The following YES1 variants were observed in gnomAD, a reference collection of about 807,000 sequenced individuals.
The protein encoded by YES1 is tyrosine-protein kinase Yes.
YES1 carries 39 observed loss-of-function variants against 70.4 expected under a neutral mutation model. The ratio of observed to expected loss-of-function variants is 0.55; its 90% CI spans 0.43 to 0.72. The LOEUF (loss-of-function observed/expected upper bound fraction) is 0.72, where lower values mean the gene tolerates loss of function less well. Ranked by LOEUF, YES1 falls within the 30% of genes least tolerant of loss-of-function variation. The pLI, the probability that YES1 is intolerant of heterozygous loss-of-function variation, is 0.00. For missense variants in YES1, 495 were observed against 644.8 expected (o/e 0.77, Z 2.52); for synonymous variants, 198 against 218.6 (o/e 0.91, Z 0.83).
intron 1 of YES1, among the ~76,000 whole-genome samples, chr18:785,346 G>GA (rs1330603645): frequency 1.3e-5 from 2 of 152,112 alleles, no homozygotes; most frequent in Admixed American, 1.3e-4. Flanking sequence ...GTCTTAAAAG[G>GA]AAACAAGTCA....
At chr18:737,936 G>T (rs115237586) in intron 9 of YES1, 1 of 152,036 alleles carries the variant, frequency 6.6e-6, no homozygotes, top group East Asian at 1.9e-4. Flanking sequence ...CCCAGGCCCC[G>T]CAAAGCGAGA....
chr18:799,077 C>A (rs565843582), intron 1 of YES1, among the ~76,000 whole-genome samples: 1 of 152,200 alleles, frequency 6.6e-6, no homozygotes, highest in East Asian at 1.9e-4. Flanking sequence ...GTTGGACTAA[C>A]CAGTTTGCTT....
chr18:735,219 A>G (rs558833379), intron 10 of YES1, among the ~76,000 whole-genome samples: 3 of 152,070 alleles, frequency 2.0e-5, no homozygotes, highest in African/African-American at 7.2e-5. Flanking sequence ...ATAGCAGCAC[A>G]ATTCGCAATT....
chr18:804,219 C>T (rs1328867835), intron 1 of YES1, among the ~76,000 whole-genome samples: 2 of 152,136 alleles, frequency 1.3e-5, no homozygotes, highest in African/African-American at 2.4e-5. Flanking sequence ...TATAATGTTG[C>T]AAAGTTTTTA....
At chr18:799,278 T>C (rs994038360) in intron 1 of YES1, among the ~76,000 whole-genome samples, 1 of 152,238 alleles carries the variant, frequency 6.6e-6, no homozygotes, top group Non-Finnish European at 1.5e-5. Flanking sequence ...CCTTCTATGG[T>C]ATGCAGCCCT....
rs1474319900 is a variant in YES1 at position 729,378 on chromosome 18, G to A, written c.1423+3456C>T. ...TGCAGTGAACCAAGATCGTGCCACT[G>A]TACTCCAGCCTGGGAGACAGAGCGA... is the stretch of plus-strand genomic sequence containing the variant. On this transcript the variant is annotated intron_variant, in intron 11 of 11. Coordinates refer to ENST00000314574, the MANE Select transcript of YES1 (RefSeq NM_005433.4). 2.6e-5 allele frequency among the ~76,000 whole-genome samples: 4 copies of A among 151,772 alleles called. No homozygotes were observed. The East Asian group carries it at 5.8e-4, about 22-fold the overall frequency.
chr18:782,783 C>G (rs534203675), intron 1 of YES1, among the ~76,000 whole-genome samples: 1 of 152,314 alleles, frequency 6.6e-6, no homozygotes, highest in African/African-American at 2.4e-5. Flanking sequence ...CAACCTCCAC[C>G]TCCTGGGTTC....
intron 1 of YES1, among the ~76,000 whole-genome samples, chr18:803,411 T>TA (rs767829767): frequency 6.6e-6 from 1 of 152,040 alleles, no homozygotes; most frequent in Admixed American, 6.5e-5. Flanking sequence ...GGGTGGGAAA[T>TA]AAAAAAAGCA....
At chr18:803,824 C>T (rs1308223732) in intron 1 of YES1, among the ~76,000 whole-genome samples, 3 of 152,114 alleles carry the variant, frequency 2.0e-5, no homozygotes, top group Admixed American at 6.6e-5. Flanking sequence ...TAACAAAAAC[C>T]AGGCAAAAAC....
At chr18:768,298 G>C (rs1404922442) in intron 1 of YES1, among the ~76,000 whole-genome samples, 1 of 152,062 alleles carries the variant, frequency 6.6e-6, no homozygotes, top group Non-Finnish European at 1.5e-5. Flanking sequence ...ACAAATTTTA[G>C]AATCTCCACA....
chr18:756,810 AC>A lies in YES1; in HGVS notation c.17del (p.Ser6IlefsTer24). On this transcript the variant is annotated frameshift_variant, in exon 2 of 12. Transcript: ENST00000314574. LOFTEE classifies it high-confidence loss of function. The stretch of plus-strand genomic sequence containing the variant: ...TAATGGCTGGACTTTTGTTTTCTTT[AC>A]TTTTAATGCAGCCCATTATCAAATC... MGCIK[S>X]KENKSPAIKY... 1 of 1,613,816 alleles carries A rather than the reference AC, an allele frequency of 6.2e-7. No individual in the cohort carries two copies. Among genetic ancestry groups the A allele is most frequent in the Non-Finnish European group, 8.5e-7 (1 of 1,179,930 alleles).
chr18:729,458 CTTT>C (rs148415047), intron 11 of YES1, among the ~76,000 whole-genome samples: 1 of 146,942 alleles, frequency 6.8e-6, no homozygotes, highest in Non-Finnish European at 1.5e-5. Context: ...CCATTTGATT[CTTT>C]TTTTTTTAAT....
At chr18:764,647 T>TTAA (rs1288338051) in intron 1 of YES1, among the ~76,000 whole-genome samples, 1 of 152,152 alleles carries the variant, frequency 6.6e-6, no homozygotes, top group Non-Finnish European at 1.5e-5. Flanking sequence ...TGGTGGGGGA[T>TTAA]TAATAATATG....
At chr18:759,470 A>C (rs1702268132) in intron 1 of YES1, among the ~76,000 whole-genome samples, 1 of 152,230 alleles carries the variant, frequency 6.6e-6, no homozygotes, top group African/African-American at 2.4e-5. Flanking sequence ...TCCGTCTCAA[A>C]AAACAAACAA....
At chr18:747,861 T>C in intron 4 of YES1, 59 bp downstream of exon 4, 5 of 1,496,274 alleles carry the variant, frequency 3.3e-6, no homozygotes, top group Non-Finnish European at 4.6e-6. Context: ...CTAAGTAGAA[T>C]GTGCATTAAA....
At chr18:766,642 T>C (rs1019537594) in intron 1 of YES1, among the ~76,000 whole-genome samples, 1 of 152,106 alleles carries the variant, frequency 6.6e-6, no homozygotes, top group South Asian at 2.1e-4. Context: ...TATCCCTTTG[T>C]GGTTTTTACA....
chr18:806,458 G>C (rs1907102121), intron 1 of YES1, among the ~76,000 whole-genome samples: 1 of 152,164 alleles, frequency 6.6e-6, no homozygotes, highest in Non-Finnish European at 1.5e-5. Context: ...TATTAAGCTA[G>C]TTTTATAACA....
intron 10 of YES1, among the ~76,000 whole-genome samples, chr18:734,004 C>T (rs2080122286): frequency 6.6e-6 from 1 of 152,180 alleles, no homozygotes; most frequent in South Asian, 2.1e-4. Context: ...GGTGGTTGGG[C>T]ACAGTGGCTC....
In YES1 at chr18:756,653, TGG is replaced by T. The variant is rs1433548757; in HGVS notation, c.173_174del (p.Ser58TyrfsTer43). 1 of 1,614,180 alleles carries T rather than the reference TGG, an allele frequency of 6.2e-7. No homozygotes were observed. Among genetic ancestry groups the T allele is most frequent in the East Asian group, 2.2e-5 (1 of 44,876 alleles). On this transcript the variant is annotated frameshift_variant, in exon 2 of 12. Transcript: ENST00000314574. LOFTEE classifies it high-confidence loss of function. ...KGTAVNFSSL[S>X]MTPFGGSSGV... ...CCTGAGGATCCTCCAAATGGTGTCA[TGG>T]AAAGACTGCTGAAATTAACTGCTGT...
Sources: allele counts gnomAD v4.1 joint callset (sites outside exome capture counted in the v4.1 genomes callset), GRCh38; gene constraint gnomAD v4.1.1; transcripts MANE v1.5; gene names NCBI Gene and HGNC (gene_info 2026-07-23, HGNC 2026-07-21).